Variants in PPFIBP1 observed in about 807,000 individuals in gnomAD.
PPFIBP1 encodes liprin-beta-1.
PPFIBP1 carries 112 observed loss-of-function variants against 137.8 expected under a neutral mutation model. That is an observed-to-expected ratio of 0.81 (90% confidence interval 0.70 to 0.95). The LOEUF is 0.95. PPFIBP1 is among the 40% of genes least tolerant of loss of function. The pLI, the probability that PPFIBP1 is intolerant of heterozygous loss-of-function variation, is 0.00. For synonymous variants in PPFIBP1, 378 were observed against 417.3 expected (o/e 0.91, Z 1.15); for missense variants, 1,083 against 1,196.6 (o/e 0.91, Z 1.40).
At chr12:27,646,328 G>A in intron 5 of PPFIBP1, 180 bp downstream of exon 5, 1 of 618,036 alleles carries the variant, frequency 1.6e-6, no homozygotes, top group Non-Finnish European at 3.0e-6. Context: ...TTTACACCCA[G>A]TTTAAAAGGA....
chr12:27,652,770 A>G (rs12578280), intron 7 of PPFIBP1, among the ~76,000 whole-genome samples: 9,862 of 152,276 alleles, frequency 0.065, 384 homozygotes, highest in East Asian at 0.11. Context: ...CTTAGCAATG[A>G]GAAAGTAGGA....
rs188619745 is a variant in PPFIBP1, at chr12:27,580,565, C to T, written c.-36+2326C>T. Among the ~76,000 whole-genome samples, 292 of 152,308 alleles carry T rather than the reference C, an allele frequency of 1.9e-3. 1 individual carries two copies. The highest frequency in any genetic ancestry group is 6.8e-3 in the African/African-American group (284 of 41,564). On this transcript the variant is annotated intron_variant, in intron 2 of 29. Transcript: ENST00000228425. ...ACTAAAAATGATAGTCATTTTATTTCTCATTCTTGTTACTAAGATTACCCA... is the reference window on the plus strand; with the variant it reads ...ACTAAAAATGATAGTCATTTTATTTTTCATTCTTGTTACTAAGATTACCCA...
chr12:27,531,459 A>ATTT (rs11434409), intron 1 of PPFIBP1, among the ~76,000 whole-genome samples: 10 of 144,888 alleles, frequency 6.9e-5, no homozygotes, highest in African/African-American at 7.6e-5. Context: ...TGAGCAGCTA[A>ATTT]TTTTTTTTTT....
chr12:27,549,912 G>A (rs927319337), intron 1 of PPFIBP1, among the ~76,000 whole-genome samples: 1 of 152,170 alleles, frequency 6.6e-6, no homozygotes, highest in Non-Finnish European at 1.5e-5. Context: ...GGAGAGCTTC[G>A]CCTCTTTCGT....
intron 19 of PPFIBP1, among the ~76,000 whole-genome samples, chr12:27,679,079 G>A (rs1276959906): frequency 6.6e-6 from 1 of 151,964 alleles, no homozygotes; most frequent in Non-Finnish European, 1.5e-5. Context: ...AAAAAAGCAG[G>A]GGTGCTACAG....
chr12:27,629,090 A>G (rs2057075568), intron 2 of PPFIBP1, among the ~76,000 whole-genome samples: 1 of 152,232 alleles, frequency 6.6e-6, no homozygotes. Flanking sequence ...TTGGGCTGGC[A>G]TGCATGGAAT....
At chr12:27,663,492 G>A (rs2059673053) in intron 11 of PPFIBP1, among the ~76,000 whole-genome samples, 1 of 152,116 alleles carries the variant, frequency 6.6e-6, no homozygotes, top group Non-Finnish European at 1.5e-5. Flanking sequence ...GGATGGATAA[G>A]TGAAAGGAGA....
intron 11 of PPFIBP1, among the ~76,000 whole-genome samples, chr12:27,663,826 C>T (rs1354056200): frequency 2.0e-5 from 3 of 147,858 alleles, no homozygotes; most frequent in Non-Finnish European, 3.0e-5. Context: ...GGTGACAGAG[C>T]GAGACCCTGT....
At chr12:27,616,521 G>A (rs768876723) in intron 2 of PPFIBP1, among the ~76,000 whole-genome samples, 13 of 152,130 alleles carry the variant, frequency 8.5e-5, no homozygotes, top group Non-Finnish European at 1.8e-4. Flanking sequence ...CAGGAAGGGT[G>A]AGGGAAGTGT....
intron 9 of PPFIBP1, among the ~76,000 whole-genome samples, chr12:27,657,614 T>C (rs116362653): frequency 6.6e-6 from 1 of 152,190 alleles, no homozygotes; most frequent in African/African-American, 2.4e-5. Context: ...TTCTTGGCTC[T>C]AGAATACCAT....
intron 1 of PPFIBP1, among the ~76,000 whole-genome samples, chr12:27,539,704 C>CT (rs201565412): frequency 4.1e-4 from 62 of 151,928 alleles, no homozygotes; most frequent in African/African-American, 1.3e-3. Flanking sequence ...AATTGTTACA[C>CT]TTTTTTTGTA....
At chr12:27,587,130 T>C (rs572468008) in intron 2 of PPFIBP1, among the ~76,000 whole-genome samples, 17 of 152,306 alleles carry the variant, frequency 1.1e-4, no homozygotes, top group Admixed American at 5.2e-4. Context: ...CAGTTAGGAC[T>C]TGAAGGATGA....
chr12:27,585,527 A>G (rs983064541), intron 2 of PPFIBP1, among the ~76,000 whole-genome samples: 8 of 152,254 alleles, frequency 5.3e-5, no homozygotes, highest in Non-Finnish European at 1.2e-4. Flanking sequence ...CGAATTATTT[A>G]TCATGGAGCT....
At chr12:27,605,535 G>A (rs1423704061) in intron 2 of PPFIBP1, among the ~76,000 whole-genome samples, 1 of 151,666 alleles carries the variant, frequency 6.6e-6, no homozygotes, top group Non-Finnish European at 1.5e-5. Flanking sequence ...CATAGGAATA[G>A]GTAAAATTAA....
rs545903282 is a variant in PPFIBP1 at position 27,689,283 on chromosome 12, T to C, written c.2685+80T>C. On this transcript the variant is annotated intron_variant, in intron 27 of 29. Transcript: ENST00000228425. ...TCGGTTACCTGGTTATTCTGTTTTC[T>C]GGGGTTTACTAAGTTTTGTGGGTGG... 3.8e-5 allele frequency: 53 copies of C among 1,387,634 alleles called. No homozygotes were observed. In the East Asian group the frequency reaches 1.1e-3, roughly 29 times the overall value. 86.0% of individuals were successfully genotyped at this position (1,387,634 alleles called of 1,614,324 possible).
intron 1 of PPFIBP1, among the ~76,000 whole-genome samples, chr12:27,540,400 A>G (rs1592329095): frequency 6.6e-6 from 1 of 152,066 alleles, no homozygotes; most frequent in South Asian, 2.1e-4. Context: ...TTGAAAGGCA[A>G]ACACCAAAAG....
At chr12:27,674,302 A>G in intron 17 of PPFIBP1, 81 bp downstream of exon 17, 2 of 1,051,058 alleles carry the variant, frequency 1.9e-6, no homozygotes, top group Non-Finnish European at 2.8e-6. Flanking sequence ...CCAGTAGATA[A>G]AAACTTTCAG....
intron 2 of PPFIBP1, among the ~76,000 whole-genome samples, chr12:27,586,177 T>C (rs1176119692): frequency 6.6e-6 from 1 of 152,180 alleles, no homozygotes; most frequent in Admixed American, 6.5e-5. Flanking sequence ...AGAAGTTAAG[T>C]AACTTCCCCA....
intron 2 of PPFIBP1, among the ~76,000 whole-genome samples, chr12:27,619,918 A>G (rs572753445): frequency 6.6e-6 from 1 of 151,852 alleles, no homozygotes; most frequent in Non-Finnish European, 1.5e-5. Flanking sequence ...TTATATATAT[A>G]CATATATATT....
Sources: allele counts gnomAD v4.1 joint callset (sites outside exome capture counted in the v4.1 genomes callset), GRCh38; gene constraint gnomAD v4.1.1; transcripts MANE v1.5; gene names NCBI Gene and HGNC (gene_info 2026-07-23, HGNC 2026-07-21).